Variants in OLFML2A observed in about 807,000 individuals in gnomAD.
OLFML2A encodes the protein olfactomedin like 2A.
Under a neutral mutation model 60.9 loss-of-function variants are expected in OLFML2A, and 47 were observed. That is an observed-to-expected ratio of 0.77 (90% CI 0.61 to 0.98). The LOEUF is 0.98. OLFML2A is among the 50% of genes least tolerant of loss of function. The pLI, the probability that OLFML2A is intolerant of heterozygous loss-of-function variation, is 0.00. For synonymous variants in OLFML2A, 372 were observed against 375.0 expected, an observed-to-expected ratio of 0.99 and a Z score of 0.09; for missense variants, 922 against 879.8, an observed-to-expected ratio of 1.05 and a Z score of -0.61.
In OLFML2A at chr9:124,799,161, C is replaced by T. The variant is rs148340309; in HGVS notation, c.463-124C>T. 6.1e-5 allele frequency: 40 copies of T among 651,678 alleles called. 1 individual carries two copies. The highest frequency in any genetic ancestry group is 2.7e-4 in the African/African-American group (15 of 55,236). 40.4% of individuals were successfully genotyped at this position (651,678 alleles called of 1,614,324 possible). ...TTTTCCTGCTCATGCTCACTGCGGCCGCCCCTAGCCCGTTCGGGGGACTGG... is the reference window on the plus strand; with the variant it reads ...TTTTCCTGCTCATGCTCACTGCGGCTGCCCCTAGCCCGTTCGGGGGACTGG... On this transcript the variant is annotated intron_variant, in intron 3 of 7. Coordinates refer to ENST00000373580, the MANE Select transcript of OLFML2A (RefSeq NM_182487.4).
chr9:124,783,752 C>A (rs1055823983), intron 1 of OLFML2A, among the ~76,000 whole-genome samples: 14 of 152,326 alleles, frequency 9.2e-5, no homozygotes, highest in African/African-American at 3.1e-4. Context: ...CAGGCAAGCA[C>A]TGTTATGAAG....
Position 124,799,506 on chromosome 9 carries a change from C to T in OLFML2A, c.669+15C>T. On this transcript the variant is annotated intron_variant, in intron 4 of 7. Transcript: ENST00000373580. ...GCAAGGCCCAGGTGAGGCCCCAGCT[C>T]TGATCATGGGGCCGGAGCTGGCTGA... 1 of 1,566,354 alleles carries T rather than the reference C, an allele frequency of 6.4e-7. No homozygotes were observed. Among genetic ancestry groups the T allele is most frequent in the African/African-American group, 1.3e-5 (1 of 74,260 alleles).
intron 3 of OLFML2A, among the ~76,000 whole-genome samples, chr9:124,798,232 TGG>T (rs1218436988): frequency 6.6e-6 from 1 of 152,222 alleles, no homozygotes; most frequent in African/African-American, 2.4e-5. Flanking sequence ...GCAGGGGTGG[TGG>T]CTCACGCCTG....
At position 124,810,279 on chromosome 9, in the gene OLFML2A, A is replaced by G. The variant is rs761581392; in HGVS notation, c.1826A>G (p.Asp609Gly). The change falls in exon 8 of 8, where the codon GAC (aspartate) becomes GGC (glycine). Residue 609 changes from aspartate (D) to glycine (G), a missense_variant. Asp to Gly is a moderately conservative substitution (Grantham distance 94). Coordinates refer to ENST00000373580, the MANE Select transcript of OLFML2A (RefSeq NM_182487.4). The part of the protein sequence containing the change: ...AYAFDTHTGT[D>G]ARPQLPFLNE... The stretch of plus-strand genomic sequence containing the variant: ...GCTTTCGACACGCACACGGGCACCG[A>G]CGCACGCCCCCAGCTGCCGTTCCTC... 10 of 1,610,620 alleles carry G rather than the reference A, an allele frequency of 6.2e-6. No individual in the cohort carries two copies. The highest frequency in any genetic ancestry group is 1.7e-5 in the Admixed American group (1 of 60,010).
At chr9:124,795,839 C>T (rs1488517295) in intron 3 of OLFML2A, among the ~76,000 whole-genome samples, 1 of 152,250 alleles carries the variant, frequency 6.6e-6, no homozygotes, top group Non-Finnish European at 1.5e-5. Context: ...ACCGAGCCCA[C>T]TGGGCTAGTG....
At chr9:124,805,953 T>C (rs1841890893) in intron 6 of OLFML2A, among the ~76,000 whole-genome samples, 1 of 151,370 alleles carries the variant, frequency 6.6e-6, no homozygotes, top group Non-Finnish European at 1.5e-5. Flanking sequence ...GCAGATGGGA[T>C]TTCAGGCACA....
chr9:124,785,970 C>T (rs1564281692), intron 1 of OLFML2A, among the ~76,000 whole-genome samples: 1 of 151,834 alleles, frequency 6.6e-6, no homozygotes, highest in Admixed American at 6.6e-5. Flanking sequence ...AAAAATTAGC[C>T]GAGTGTGGTC....
Position 124,778,901 on chromosome 9 carries a change from C to T in OLFML2A, c.90+1541C>T, listed in dbSNP as rs1002667395. 1.0e-5 allele frequency: 10 copies of T among 974,798 alleles called. No homozygotes were observed. The African/African-American group carries it at 1.6e-4, about 15-fold the overall frequency. The allele number at this position is 974,798 out of a possible 1,614,324, so 60.4% of individuals were successfully genotyped here. A position where few individuals can be genotyped will look rare whatever the true frequency, so the allele number is the denominator to read the frequency against. On this transcript the variant is annotated intron_variant, in intron 1 of 7. Transcript: ENST00000373580. ...GAGCGTGAGGGCAAAAAAGTGACTT[C>T]CAATACCTCTCCAGCCTCTTTCCTG...
At chr9:124,797,348 A>G (rs1841686563) in intron 3 of OLFML2A, among the ~76,000 whole-genome samples, 1 of 152,160 alleles carries the variant, frequency 6.6e-6, no homozygotes, top group Non-Finnish European at 1.5e-5. Flanking sequence ...TGACCCTGCC[A>G]TTTAGTTGTT....
At chr9:124,785,724 T>C (rs964416706) in intron 1 of OLFML2A, among the ~76,000 whole-genome samples, 8 of 152,152 alleles carry the variant, frequency 5.3e-5, no homozygotes, top group Non-Finnish European at 8.8e-5. Context: ...TTCAATTCTC[T>C]TGGGTATATA....
At chr9:124,791,212 C>T (rs1441911931) in intron 2 of OLFML2A, among the ~76,000 whole-genome samples, 1 of 152,118 alleles carries the variant, frequency 6.6e-6, no homozygotes, top group East Asian at 1.9e-4. Flanking sequence ...CCTTGAAGGA[C>T]ATGTAAGAGT....
chr9:124,793,642 G>A (rs966193325), intron 2 of OLFML2A, among the ~76,000 whole-genome samples: 1 of 152,228 alleles, frequency 6.6e-6, no homozygotes, highest in Admixed American at 6.5e-5. Context: ...TCTGTAAAAT[G>A]AGGGTGAAAG....
chr9:124,795,706 C>T (rs543075352), intron 3 of OLFML2A, among the ~76,000 whole-genome samples: 18 of 152,242 alleles, frequency 1.2e-4, no homozygotes, highest in African/African-American at 4.8e-5. Context: ...ACCTGGGAAG[C>T]GGAGGTTGCA....
In OLFML2A at chr9:124,777,500, A is replaced by G; in HGVS notation, c.90+140A>G. 2.2e-6 allele frequency: 2 copies of G among 925,002 alleles called. No homozygotes were observed. Among genetic ancestry groups the G allele is most frequent in the Non-Finnish European group, 1.4e-6 (1 of 715,456 alleles). 57.3% of individuals were successfully genotyped at this position (925,002 alleles called of 1,614,324 possible). A position where few individuals can be genotyped will look rare whatever the true frequency, so the allele number is the denominator to read the frequency against. ...TGAGAGACCGAACCTGGGACTTCTC[A>G]GCACTGAAGCCGCAGGGGCAGGGGC... On this transcript the variant is annotated intron_variant, in intron 1 of 7. Transcript: ENST00000373580. The surrounding 1 kb of genome is among the most constrained non-coding windows in gnomAD (Gnocchi z 6.2).
intron 5 of OLFML2A, among the ~76,000 whole-genome samples, chr9:124,802,457 A>AGGCTC (rs1261619906): frequency 6.6e-6 from 1 of 152,226 alleles, no homozygotes; most frequent in African/African-American, 2.4e-5. Context: ...GTCAGGGACC[A>AGGCTC]GGCTCCTTTG....
Position 124,787,246 on chromosome 9 carries a change from T to C in OLFML2A, c.354+8T>C. 2 of 1,612,366 alleles carry C rather than the reference T, an allele frequency of 1.2e-6. No individual in the cohort carries two copies. The highest frequency in any genetic ancestry group is 1.7e-6 in the Non-Finnish European group (2 of 1,178,622). On this transcript the variant is annotated splice_region_variant and intron_variant, in intron 2 of 7. Coordinates refer to ENST00000373580, the MANE Select transcript of OLFML2A (RefSeq NM_182487.4). ...GCGCCCGAGCTCCTCAAGGTAGACT[T>C]GGTGGGGTGATGGAGGGAGTAAGGG... is the stretch of plus-strand genomic sequence containing the variant.
chr9:124,791,816 G>A (rs930197828), intron 2 of OLFML2A, among the ~76,000 whole-genome samples: 1 of 151,504 alleles, frequency 6.6e-6, no homozygotes, highest in Non-Finnish European at 1.5e-5. Context: ...TTTATTGTGA[G>A]AGTCAACAGA....
intron 2 of OLFML2A, among the ~76,000 whole-genome samples, chr9:124,794,354 G>A (rs1027111756): frequency 7.2e-5 from 11 of 152,212 alleles, no homozygotes; most frequent in East Asian, 1.9e-4. Context: ...AGCCAGGGAC[G>A]GGCACAAAAT....
At chr9:124,786,861 AC>A (rs1841483605) in intron 1 of OLFML2A, 113 bp from the exon 2 acceptor site, 1 of 1,051,258 alleles carries the variant, frequency 9.5e-7, no homozygotes, top group Non-Finnish European at 1.4e-6. Flanking sequence ...TACCTGCCAA[AC>A]ACTCTCATCC....
Sources: allele counts gnomAD v4.1 joint callset (sites outside exome capture counted in the v4.1 genomes callset), GRCh38; gene constraint gnomAD v4.1.1; non-coding constraint Gnocchi (gnomAD v3.1); transcripts MANE v1.5; gene names NCBI Gene and HGNC (gene_info 2026-07-23, HGNC 2026-07-21).